SAMD5: variants seen among roughly 807,000 people sequenced by gnomAD.
SAMD5 encodes sterile alpha motif domain containing 5.
Under a neutral mutation model 11.3 loss-of-function variants are expected in SAMD5, and 13 were observed. That is an observed-to-expected ratio of 1.15 (90% CI 0.75 to 1.83). The LOEUF (loss-of-function observed/expected upper bound fraction) is 1.83, where lower values mean the gene tolerates loss of function less well. Ranked by LOEUF, SAMD5 falls within the 40% of genes most tolerant of loss-of-function variation. The probability of loss-of-function intolerance (pLI) is 0.00; values close to 1 mark genes in which losing one functional copy is unlikely to be tolerated. For synonymous variants in SAMD5, 129 were observed against 111.3 expected, an observed-to-expected ratio of 1.16 and a Z score of -1.00; for missense variants, 255 against 239.1, an observed-to-expected ratio of 1.07 and a Z score of -0.44.
the SAMD5 span, among the ~76,000 whole-genome samples, chr6:147,892,142 T>G: frequency 6.6e-6 from 1 of 152,206 alleles, no homozygotes; most frequent in Non-Finnish European, 1.5e-5. Context: ...CCTGTCTCCC[T>G]TCTTGCCTCC....
intron 1 of SAMD5, among the ~76,000 whole-genome samples, chr6:147,719,172 G>A (rs1298783866): frequency 6.6e-6 from 1 of 152,190 alleles, no homozygotes; most frequent in Non-Finnish European, 1.5e-5. Flanking sequence ...CTATTCTAGA[G>A]AGTCAGAAAG....
chr6:147,783,042 G>A, the SAMD5 span, among the ~76,000 whole-genome samples: 15 of 152,074 alleles, frequency 9.9e-5, no homozygotes, highest in African/African-American at 3.4e-4. Context: ...GATGACTGGG[G>A]ACTTCTCATT....
intron 1 of SAMD5, among the ~76,000 whole-genome samples, chr6:147,647,029 T>C: frequency 6.6e-6 from 1 of 150,556 alleles, no homozygotes; most frequent in East Asian, 2.0e-4. Context: ...TAGCTGGCCA[T>C]GGTGACAGGC....
intron 1 of SAMD5, among the ~76,000 whole-genome samples, chr6:147,671,667 C>T (rs1790796837): frequency 6.6e-6 from 1 of 152,116 alleles, no homozygotes; most frequent in South Asian, 2.1e-4. Flanking sequence ...AATTGAGCAA[C>T]AAGCCACCCA....
chr6:147,618,240 G>C (rs142822440), intron 1 of SAMD5, among the ~76,000 whole-genome samples: 11 of 152,180 alleles, frequency 7.2e-5, no homozygotes, highest in Non-Finnish European at 1.6e-4. Context: ...ATAAGACAGC[G>C]CCATGCTCAT....
At chr6:147,797,604 C>A in the SAMD5 span, among the ~76,000 whole-genome samples, 4 of 124,664 alleles carry the variant, frequency 3.2e-5, no homozygotes. Context: ...GGGAGGATTC[C>A]CTCTTTTTCT....
intron 1 of SAMD5, among the ~76,000 whole-genome samples, chr6:147,704,202 TA>T (rs1464193724): frequency 1.3e-5 from 2 of 152,150 alleles, no homozygotes; most frequent in Admixed American, 6.6e-5. Flanking sequence ...GCCATTATTT[TA>T]AACCCTTTAG....
chr6:147,638,454 A>T (rs1358731023), intron 1 of SAMD5, among the ~76,000 whole-genome samples: 6 of 152,232 alleles, frequency 3.9e-5, no homozygotes, highest in Non-Finnish European at 1.5e-5. Flanking sequence ...TGTGAATCAC[A>T]GCTCCCTTGT....
chr6:147,878,043 C>T, the SAMD5 span, among the ~76,000 whole-genome samples: 234 of 151,806 alleles, frequency 1.5e-3, no homozygotes, highest in Middle Eastern at 0.01. Flanking sequence ...TCCCAAAGTG[C>T]TAGGATTACA....
chr6:147,844,833 A>G, the SAMD5 span, among the ~76,000 whole-genome samples: 1 of 152,188 alleles, frequency 6.6e-6, no homozygotes, highest in African/African-American at 2.4e-5. Context: ...AGTGGTTACC[A>G]GAGACTAGGG....
the SAMD5 span, among the ~76,000 whole-genome samples, chr6:147,837,263 C>A: frequency 1.8e-4 from 28 of 152,112 alleles, no homozygotes; most frequent in African/African-American, 6.3e-4. Context: ...CCAGAAGACT[C>A]TGGGATAAGA....
chr6:147,638,623 G>A (rs1431054892), intron 1 of SAMD5, among the ~76,000 whole-genome samples: 1 of 152,096 alleles, frequency 6.6e-6, no homozygotes, highest in African/African-American at 2.4e-5. Context: ...GTGTGGGCTC[G>A]GGTAACTGTG....
chr6:147,806,685 C>T, the SAMD5 span, among the ~76,000 whole-genome samples: 1 of 152,178 alleles, frequency 6.6e-6, no homozygotes, highest in African/African-American at 2.4e-5. Context: ...CTCTTGCCTG[C>T]ACTAATTTTT....
the SAMD5 span, among the ~76,000 whole-genome samples, chr6:147,833,549 G>T: frequency 4.8e-3 from 738 of 152,282 alleles, 6 homozygotes; most frequent in African/African-American, 0.017. Flanking sequence ...CTTAATGAAA[G>T]AAAGAAGAGT....
chr6:147,569,546 A>T lies in SAMD5; in HGVS notation c.*5090A>T. 2 of 911,222 alleles carry T rather than the reference A, an allele frequency of 2.2e-6. No individual in the cohort carries two copies. Among genetic ancestry groups the T allele is most frequent in the Non-Finnish European group, 2.6e-6 (2 of 762,310 alleles). 56.4% of individuals were successfully genotyped at this position (911,222 alleles called of 1,614,324 possible). A position where few individuals can be genotyped will look rare whatever the true frequency, so the allele number is the denominator to read the frequency against. On this transcript the variant is annotated 3_prime_UTR_variant, in exon 2 of 2. Transcript: ENST00000367474. ...TATTCTGTATAATACCCTTAATTAG[A>T]TGAATTATCCCTTATCATTCCAAAA...
chr6:147,786,468 G>A, the SAMD5 span, among the ~76,000 whole-genome samples: 7 of 152,070 alleles, frequency 4.6e-5, no homozygotes, highest in Admixed American at 1.3e-4. Flanking sequence ...ACTCCCTTGT[G>A]GTAAAGTTAG....
chr6:147,796,795 T>C, the SAMD5 span, among the ~76,000 whole-genome samples: 1 of 151,528 alleles, frequency 6.6e-6, no homozygotes, highest in East Asian at 1.9e-4. Flanking sequence ...CCCTTGTAAG[T>C]TGGATTCCTA....
At chr6:147,656,010 A>T (rs1433353813) in intron 1 of SAMD5, among the ~76,000 whole-genome samples, 1 of 152,238 alleles carries the variant, frequency 6.6e-6, no homozygotes. Context: ...ATAAAATGTA[A>T]ACAAACACCA....
chr6:147,682,195 G>T (rs1287007532), intron 1 of SAMD5, among the ~76,000 whole-genome samples: 3 of 152,218 alleles, frequency 2.0e-5, no homozygotes, highest in African/African-American at 7.2e-5. Flanking sequence ...TTCCTATACA[G>T]TAAGGTGGAG....
Sources: gnomAD v4.1 joint callset for allele counts (sites outside exome capture counted in the v4.1 genomes callset) on GRCh38, gnomAD v4.1.1 for gene constraint, MANE v1.5 for transcripts, NCBI Gene and HGNC (gene_info 2026-07-23, HGNC 2026-07-21) for gene names.